AGBL1: variants seen among roughly 807,000 people sequenced by gnomAD.
The protein encoded by AGBL1 is cytosolic carboxypeptidase 4.
A neutral mutation model predicts 118.9 loss-of-function variants in AGBL1; 130 were observed. The observed-to-expected ratio is 1.09, with a 90% CI of 0.95 to 1.26. The LOEUF is 1.26. Among genes scored for constraint, AGBL1 ranks in the 50% most tolerant of loss-of-function variants. The pLI, the probability that AGBL1 is intolerant of heterozygous loss-of-function variation, is 0.00. For missense variants in AGBL1, 1,584 were observed against 1,298.1 expected, an observed-to-expected ratio of 1.22 and a Z score of -3.38; for synonymous variants, 555 against 478.9, an observed-to-expected ratio of 1.16 and a Z score of -2.08.
chr15:86,239,324 A>G (rs1012193014), intron 6 of AGBL1, among the ~76,000 whole-genome samples: 1 of 152,236 alleles, frequency 6.6e-6, no homozygotes, highest in Non-Finnish European at 1.5e-5. Context: ...AAAGAGAAAA[A>G]AAGTACCCGA....
chr15:86,833,693 A>C (rs538046247), intron 22 of AGBL1, among the ~76,000 whole-genome samples: 1 of 152,156 alleles, frequency 6.6e-6, no homozygotes, highest in East Asian at 1.9e-4. Context: ...CTAAAGCTCA[A>C]ATAGAGCAGC....
intron 15 of AGBL1, among the ~76,000 whole-genome samples, chr15:86,275,728 T>A (rs927388229): frequency 6.6e-6 from 1 of 152,208 alleles, no homozygotes; most frequent in Non-Finnish European, 1.5e-5. Context: ...TTGCTGGATG[T>A]ACCCAGCCCA....
intron 17 of AGBL1, among the ~76,000 whole-genome samples, chr15:86,394,069 C>A (rs1404752598): frequency 6.6e-6 from 1 of 152,140 alleles, no homozygotes; most frequent in Non-Finnish European, 1.5e-5. Flanking sequence ...ATAAGCCACA[C>A]AGTCTATGGT....
intron 23 of AGBL1, among the ~76,000 whole-genome samples, chr15:86,983,464 C>G (rs1376882149): frequency 1.3e-5 from 2 of 152,118 alleles, no homozygotes; most frequent in Admixed American, 1.3e-4. Flanking sequence ...GATGAAATAT[C>G]AGCAATACCC....
intron 18 of AGBL1, among the ~76,000 whole-genome samples, chr15:86,403,163 G>A (rs917698251): frequency 1.3e-5 from 2 of 152,150 alleles, no homozygotes; most frequent in Admixed American, 6.6e-5. Context: ...AGCACGGGGT[G>A]AGGGAGAGGA....
chr15:86,302,403 G>T (rs188647939), intron 17 of AGBL1, among the ~76,000 whole-genome samples: 1 of 152,140 alleles, frequency 6.6e-6, no homozygotes, highest in East Asian at 1.9e-4. Context: ...ACTTCTATAT[G>T]CAGAGAAATG....
chr15:86,771,134 A>C (rs907459296), intron 22 of AGBL1, among the ~76,000 whole-genome samples: 2 of 152,072 alleles, frequency 1.3e-5, no homozygotes, highest in African/African-American at 4.8e-5. Flanking sequence ...ACTGCATAAA[A>C]GATTACGCAC....
chr15:86,804,048 A>G (rs1332857908), intron 22 of AGBL1, among the ~76,000 whole-genome samples: 1 of 152,172 alleles, frequency 6.6e-6, no homozygotes, highest in East Asian at 1.9e-4. Flanking sequence ...GAAAAGAGAC[A>G]TGAAAAAAAC....
chr15:86,530,168 T>C (rs1303845543), intron 19 of AGBL1, among the ~76,000 whole-genome samples: 1 of 141,928 alleles, frequency 7.0e-6, no homozygotes, highest in Non-Finnish European at 1.5e-5. Flanking sequence ...ACTGGCAAGT[T>C]GGATAAAGAG....
At chr15:86,388,511 T>C (rs968712342) in intron 17 of AGBL1, among the ~76,000 whole-genome samples, 3 of 152,158 alleles carry the variant, frequency 2.0e-5, no homozygotes, top group South Asian at 2.1e-4. Flanking sequence ...CCTTGCTTTA[T>C]GGGTAGAGAA....
chr15:86,698,616 T>C (rs923925400), intron 22 of AGBL1, among the ~76,000 whole-genome samples: 1 of 151,714 alleles, frequency 6.6e-6, no homozygotes, highest in Non-Finnish European at 1.5e-5. Context: ...CATTGTTTTT[T>C]TTTTTTTTTA....
intron 17 of AGBL1, among the ~76,000 whole-genome samples, chr15:86,367,594 A>G: frequency 6.8e-6 from 1 of 146,154 alleles, no homozygotes; most frequent in Admixed American, 6.8e-5. Flanking sequence ...TTGTTAACTG[A>G]AAAAAAAAAA....
chr15:86,122,609 TA>T (rs1898154411), intron 1 of AGBL1, among the ~76,000 whole-genome samples: 1 of 152,030 alleles, frequency 6.6e-6, no homozygotes, highest in South Asian at 2.1e-4. Context: ...CTCATCTAAT[TA>T]AAAAAAATCA....
intron 15 of AGBL1, among the ~76,000 whole-genome samples, chr15:86,277,232 C>T (rs777232334): frequency 2.7e-5 from 4 of 149,940 alleles, no homozygotes; most frequent in East Asian, 2.0e-4. Flanking sequence ...TAGTCTTGCT[C>T]GGGAGAATCT....
At chr15:86,285,799 T>A (rs1336184418) in intron 16 of AGBL1, among the ~76,000 whole-genome samples, 1 of 152,188 alleles carries the variant, frequency 6.6e-6, no homozygotes, top group Non-Finnish European at 1.5e-5. Context: ...AAGAAAACTT[T>A]CAGGCTTTGC....
intron 17 of AGBL1, among the ~76,000 whole-genome samples, chr15:86,301,298 T>C (rs1358772945): frequency 2.0e-5 from 3 of 152,090 alleles, no homozygotes; most frequent in Admixed American, 1.3e-4. Flanking sequence ...TGGTGAGAGA[T>C]TGGGCTGAGG....
Position 86,269,943 on chromosome 15 carries a change from C to CG in AGBL1, c.1864dup (p.Ala622GlyfsTer5). The CG allele has an allele frequency of 6.2e-7, 1 of 1,613,888 alleles. No homozygotes were observed. Among genetic ancestry groups the CG allele is most frequent in the Non-Finnish European group, 8.5e-7 (1 of 1,179,826 alleles). ...GGTTCGAGTATGACTTGCTGGTCAA[C>CG]GCAGATGTGAATAGCACCCAGCACC... On this transcript the variant is annotated frameshift_variant, in exon 14 of 23. Transcript: ENST00000614907. LOFTEE classifies it high-confidence loss of function.
intron 22 of AGBL1, among the ~76,000 whole-genome samples, chr15:86,683,002 C>T (rs933666451): frequency 4.6e-5 from 7 of 152,140 alleles, no homozygotes; most frequent in Admixed American, 3.9e-4. Context: ...TTTGAATCTA[C>T]TTTTGCCTAA....
At chr15:86,796,289 A>G (rs528567432) in intron 22 of AGBL1, among the ~76,000 whole-genome samples, 1 of 152,322 alleles carries the variant, frequency 6.6e-6, no homozygotes, top group South Asian at 2.1e-4. Flanking sequence ...AGTAAGCATT[A>G]TTGGGCTTTG....
Sources: gnomAD v4.1 joint callset for allele counts (sites outside exome capture counted in the v4.1 genomes callset) on GRCh38, gnomAD v4.1.1 for gene constraint, MANE v1.5 for transcripts, NCBI Gene and HGNC (gene_info 2026-07-23, HGNC 2026-07-21) for gene names.